SENP7: variants seen among roughly 807,000 people sequenced by gnomAD.
The protein encoded by SENP7 is SUMO specific peptidase 7.
Under a neutral mutation model 141.2 loss-of-function variants are expected in SENP7, and 64 were observed. That is an observed-to-expected ratio of 0.45 (90% CI 0.37 to 0.56). The LOEUF (loss-of-function observed/expected upper bound fraction) is 0.56. SENP7 is among the 20% of genes least tolerant of loss of function. The probability of loss-of-function intolerance (pLI) is 0.00; values close to 1 mark genes in which losing one functional copy is unlikely to be tolerated. For missense variants in SENP7, 1,025 were observed against 1,212.2 expected (o/e 0.85, Z 2.29); for synonymous variants, 382 against 426.4 (o/e 0.90, Z 1.28).
chr3:101,358,468 C>T (rs1454163204), intron 11 of SENP7: 2 of 347,768 alleles, frequency 5.8e-6, no homozygotes, highest in East Asian at 1.3e-4. Flanking sequence ...GCCCTCAACT[C>T]TTAGTAAATA....
At chr3:101,486,026 G>A (rs9851395) in intron 3 of SENP7, among the ~76,000 whole-genome samples, 60,347 of 151,932 alleles carry the variant, frequency 0.4, 12,500 homozygotes, top group Admixed American at 0.54. Flanking sequence ...TTCAGAACTC[G>A]AAGACAAGGT....
chr3:101,429,494 A>T (rs12497000), intron 4 of SENP7, among the ~76,000 whole-genome samples: 60,377 of 151,706 alleles, frequency 0.4, 12,516 homozygotes, highest in Admixed American at 0.54. Context: ...GCTGTTTATC[A>T]GTTATTGGTG....
At chr3:101,375,070 A>T (rs1184240991) in intron 6 of SENP7, among the ~76,000 whole-genome samples, 1 of 152,166 alleles carries the variant, frequency 6.6e-6, no homozygotes, top group Admixed American at 6.5e-5. Flanking sequence ...CATTTCACAC[A>T]GATTAGGACA....
Position 101,479,471 on chromosome 3 carries a change from T to A in SENP7, c.186+14402A>T, listed in dbSNP as rs556789690. Among the ~76,000 whole-genome samples, 5 of 152,190 alleles carry A rather than the reference T, an allele frequency of 3.3e-5. No homozygotes were observed. The South Asian group carries it at 8.3e-4, about 25-fold the overall frequency. On this transcript the variant is annotated intron_variant, in intron 3 of 23. Transcript: ENST00000394095. ...AACAATAAAAATTAGCCAGGCATGA[T>A]GGCACGTGCCTGTAGTCCCAGCTAC...
At chr3:101,430,893 T>C (rs1229104751) in intron 4 of SENP7, among the ~76,000 whole-genome samples, 1 of 152,056 alleles carries the variant, frequency 6.6e-6, no homozygotes, top group African/African-American at 2.4e-5. Context: ...TTTGTTCTCA[T>C]TGGTTTTAAA....
At chr3:101,341,499 A>C (rs1457062290) in intron 15 of SENP7, 147 bp downstream of exon 15, 5 of 650,354 alleles carry the variant, frequency 7.7e-6, no homozygotes, top group African/African-American at 7.5e-5. Flanking sequence ...ACTTCCTCAT[A>C]ATTTCTTTAA....
rs140623998 is a variant in SENP7, at chr3:101,376,550, C to T, written c.678-4424G>A. On this transcript the variant is annotated intron_variant, in intron 6 of 23. Transcript: ENST00000394095. ...TGGCAAACAGCAAAAAACCAAACACCGCATGTTCTCACTCATAGGTGGGAA... is the reference window on the plus strand; with the variant it reads ...TGGCAAACAGCAAAAAACCAAACACTGCATGTTCTCACTCATAGGTGGGAA... Among the ~76,000 whole-genome samples, 1,063 of 151,756 alleles carry T rather than the reference C, an allele frequency of 7.0e-3. 4 individuals carry two copies. The highest frequency in any genetic ancestry group is 0.012 in the Non-Finnish European group (839 of 67,966).
At position 101,384,700 on chromosome 3, in the gene SENP7, G is replaced by A. The variant is rs536479748; in HGVS notation, c.678-12574C>T. Among the ~76,000 whole-genome samples, 291 of 152,324 alleles carry A rather than the reference G, an allele frequency of 1.9e-3. 1 individual carries two copies. The highest frequency in any genetic ancestry group is 3.2e-3 in the Non-Finnish European group (216 of 68,028). On this transcript the variant is annotated intron_variant, in intron 6 of 23. Transcript: ENST00000394095. ...CTCGCCGTTGGCAGGTATGGAATCC[G>A]GGCCAGTAGTGGGAGCCAAGCACAG...
intron 6 of SENP7, among the ~76,000 whole-genome samples, chr3:101,394,833 G>A (rs764578774): frequency 2.6e-5 from 4 of 151,926 alleles, no homozygotes; most frequent in African/African-American, 9.7e-5. Flanking sequence ...CTTTCTAACC[G>A]CCATTCTAGC....
chr3:101,441,129 A>G (rs2062654173), intron 4 of SENP7, among the ~76,000 whole-genome samples: 2 of 152,162 alleles, frequency 1.3e-5, no homozygotes, highest in South Asian at 4.1e-4. Flanking sequence ...AGAACCAAAT[A>G]GTAACACTTC....
chr3:101,427,695 T>A (rs2062012110), intron 4 of SENP7, among the ~76,000 whole-genome samples: 1 of 152,018 alleles, frequency 6.6e-6, no homozygotes, highest in Non-Finnish European at 1.5e-5. Flanking sequence ...TCAAATAAAT[T>A]TTTTATTTAT....
chr3:101,436,991 G>A (rs1455571526), intron 4 of SENP7, among the ~76,000 whole-genome samples: 1 of 152,112 alleles, frequency 6.6e-6, no homozygotes, highest in Non-Finnish European at 1.5e-5. Context: ...ATAGATGAAT[G>A]GATAAATAAA....
chr3:101,448,105 C>G (rs973086206), intron 4 of SENP7, among the ~76,000 whole-genome samples: 18 of 152,012 alleles, frequency 1.2e-4, no homozygotes, highest in African/African-American at 4.1e-4. Flanking sequence ...TAAAATGGAA[C>G]AAAGACCTAA....
At chr3:101,465,419 C>A (rs2063728605) in intron 3 of SENP7, among the ~76,000 whole-genome samples, 1 of 152,182 alleles carries the variant, frequency 6.6e-6, no homozygotes, top group Non-Finnish European at 1.5e-5. Flanking sequence ...TCCACCTAGC[C>A]CACTGCCATT....
chr3:101,449,614 A>C (rs538942359), intron 4 of SENP7, among the ~76,000 whole-genome samples: 36 of 152,304 alleles, frequency 2.4e-4, no homozygotes, highest in Non-Finnish European at 4.7e-4. Flanking sequence ...ATATCCAGCC[A>C]AACTAAGCTT....
At chr3:101,455,232 T>G (rs1439408085) in intron 4 of SENP7, among the ~76,000 whole-genome samples, 1 of 152,164 alleles carries the variant, frequency 6.6e-6, no homozygotes, top group Non-Finnish European at 1.5e-5. Flanking sequence ...AAAATTTAAG[T>G]CTGTTAATAC....
intron 12 of SENP7, among the ~76,000 whole-genome samples, chr3:101,349,334 T>G (rs1366779588): frequency 6.6e-6 from 1 of 152,124 alleles, no homozygotes; most frequent in Non-Finnish European, 1.5e-5. Context: ...ATAGGTACAT[T>G]TGATCCTATT....
At chr3:101,402,460 C>CT (rs747785863) in intron 5 of SENP7, among the ~76,000 whole-genome samples, 2 of 151,958 alleles carry the variant, frequency 1.3e-5, no homozygotes, top group South Asian at 2.1e-4. Flanking sequence ...CCCACCTCTA[C>CT]TAAAAAAAAC....
At chr3:101,393,513 A>C (rs1294845262) in intron 6 of SENP7, among the ~76,000 whole-genome samples, 4 of 152,222 alleles carry the variant, frequency 2.6e-5, no homozygotes, top group Non-Finnish European at 5.9e-5. Context: ...AAATAATCCA[A>C]TTTAAAAAAT....
Sources: gnomAD v4.1 joint callset for allele counts (sites outside exome capture counted in the v4.1 genomes callset) on GRCh38, gnomAD v4.1.1 for gene constraint, MANE v1.5 for transcripts, NCBI Gene and HGNC (gene_info 2026-07-23, HGNC 2026-07-21) for gene names.